The following MIA2 variants were observed in gnomAD, a reference collection of about 807,000 sequenced individuals.
MIA2 encodes melanoma inhibitory activity protein 2.
In MIA2, 127 loss-of-function variants were observed where a neutral mutation model predicts 167.8. The observed-to-expected ratio is 0.76, with a 90% confidence interval of 0.66 to 0.88. MIA2 has a LOEUF of 0.88. Among genes scored for constraint, MIA2 ranks in the 40% least tolerant of loss-of-function variants. The pLI is 0.00. For synonymous variants in MIA2, 552 were observed against 541.9 expected (o/e 1.02, Z -0.26); for missense variants, 1,690 against 1,624.7 (o/e 1.04, Z -0.69).
chr14:39,339,000 T>C (rs1457108068), intron 25 of MIA2, among the ~76,000 whole-genome samples: 4 of 152,240 alleles, frequency 2.6e-5, no homozygotes, highest in African/African-American at 9.6e-5. Flanking sequence ...ACTGGTTTCA[T>C]GGAGCCCAGT....
chr14:39,313,355 G>C lies in MIA2; in HGVS notation c.3033G>C (p.Glu1011Asp). The change falls in exon 19 of 29, where the codon GAG becomes GAC. Residue 1011 changes from glutamate (E) to aspartate (D), a missense_variant. Glu to Asp is a conservative substitution (Grantham distance 45). Transcript: ENST00000640607. ...TGTTTTTAAGGAAATTAACAGTAGA[G>C]GAAAATTATCGGTTAGAGAAAGAAG... Reference protein sequence around the residue: ...EMKLHRKLTVEENYRLEKEEK... With the variant: ...EMKLHRKLTVDENYRLEKEEK... The C allele has an allele frequency of 1.3e-6, 2 of 1,587,124 alleles. No individual in the cohort carries two copies. Among genetic ancestry groups the C allele is most frequent in the Non-Finnish European group, 1.7e-6 (2 of 1,164,210 alleles).
intron 23 of MIA2, among the ~76,000 whole-genome samples, chr14:39,357,191 C>T (rs1183421158): frequency 6.6e-6 from 1 of 152,098 alleles, no homozygotes. Context: ...GAGTCTTAGT[C>T]CCTTTGTAGG....
chr14:39,352,975 G>T (rs1232781324), downstream of MIA2, among the ~76,000 whole-genome samples: 2 of 152,036 alleles, frequency 1.3e-5, no homozygotes, highest in African/African-American at 2.4e-5. Context: ...TATTCCTCCT[G>T]CATGACTGAA....
chr14:39,265,401 T>C (rs2055431891), intron 6 of MIA2: 2 of 1,610,948 alleles, frequency 1.2e-6, no homozygotes, highest in Non-Finnish European at 1.7e-6. Context: ...AGAAATGGAA[T>C]TGAAAAGTCC....
chr14:39,325,920 G>A (rs1182975555), intron 24 of MIA2, among the ~76,000 whole-genome samples: 1 of 151,574 alleles, frequency 6.6e-6, no homozygotes, highest in East Asian at 1.9e-4. Context: ...CACCATGTTG[G>A]CCAGGCTTGT....
At chr14:39,235,764 C>A (rs149317657) in intron 1 of MIA2, among the ~76,000 whole-genome samples, 53 of 152,024 alleles carry the variant, frequency 3.5e-4, no homozygotes, top group Non-Finnish European at 6.9e-4. Context: ...GGCAACAGAA[C>A]AAGACCCTGC....
At chr14:39,275,089 ATTT>A (rs35976478) in intron 6 of MIA2, among the ~76,000 whole-genome samples, 1 of 45,612 alleles carries the variant, frequency 2.2e-5, no homozygotes, top group African/African-American at 6.5e-5. Flanking sequence ...AAAAAAAAAA[ATTT>A]TTTTTTTTTT....
intron 3 of MIA2, among the ~76,000 whole-genome samples, chr14:39,243,220 T>C (rs2054135993): frequency 6.6e-6 from 1 of 152,110 alleles, no homozygotes; most frequent in South Asian, 2.1e-4. Flanking sequence ...CTCAGTTGAT[T>C]TCCTAAGGAG....
intron 6 of MIA2, chr14:39,266,351 C>A: frequency 3.0e-6 from 3 of 985,342 alleles, no homozygotes; most frequent in Non-Finnish European, 3.6e-6. Context: ...TTCGACGGTC[C>A]TAAAAATAGA....
Position 39,388,370 on chromosome 14 carries a change from C to G in MIA2, c.*1418C>G, listed in dbSNP as rs1376703760. 2 of 148,920 alleles carry G rather than the reference C, an allele frequency of 1.3e-5. No homozygotes were observed. Among genetic ancestry groups the G allele is most frequent in the Non-Finnish European group, 3.0e-5 (2 of 66,814 alleles). 9.2% of individuals were successfully genotyped at this position (148,920 alleles called of 1,614,324 possible). A position where few individuals can be genotyped will look rare whatever the true frequency, so the allele number is the denominator to read the frequency against. The stretch of plus-strand genomic sequence containing the variant: ...TTTAAACCTGTTTTTTCATGTCTTT[C>G]CATATCCCTTTAAGTCTAAATTTTA... On this transcript the variant is annotated 3_prime_UTR_variant, in exon 24 of 24. Transcript: ENST00000341502. The surrounding 1 kb of genome is among the most constrained non-coding windows in gnomAD (Gnocchi z 4.1).
At chr14:39,288,171 A>T (rs2060071004) in intron 9 of MIA2, among the ~76,000 whole-genome samples, 1 of 151,836 alleles carries the variant, frequency 6.6e-6, no homozygotes, top group Admixed American at 6.6e-5. Flanking sequence ...TTATCAAGAG[A>T]TGATGTTGGG....
At chr14:39,360,811 A>G (rs1395961076) in intron 23 of MIA2, among the ~76,000 whole-genome samples, 1 of 152,112 alleles carries the variant, frequency 6.6e-6, no homozygotes, top group African/African-American at 2.4e-5. Flanking sequence ...TAGGTGTTTA[A>G]TCCATCTTGA....
chr14:39,321,246 C>G (rs8019758), intron 24 of MIA2, among the ~76,000 whole-genome samples, 190 bp downstream of exon 24: 28,122 of 151,998 alleles, frequency 0.19, 2,663 homozygotes, highest in Middle Eastern at 0.28. Flanking sequence ...TCTTAGAAAC[C>G]GTGCTATATT....
intron 23 of MIA2, chr14:39,386,296 C>T (rs1467667621): frequency 6.8e-7 from 1 of 1,480,080 alleles, no homozygotes; most frequent in Non-Finnish European, 9.4e-7. Context: ...AATTTCTGGC[C>T]TCCAAAGTGA....
At position 39,313,351 on chromosome 14, in the gene MIA2, T is replaced by C; in HGVS notation, c.3029T>C (p.Val1010Ala). ...NEMKLHRKLT[V>A]EENYRLEKEE... ...TTTTTGTTTTTAAGGAAATTAACAG[T>C]AGAGGAAAATTATCGGTTAGAGAAA... The change falls in exon 19 of 29, where the codon GTA becomes GCA. Residue 1010 changes from valine to alanine, a missense_variant. Transcript: ENST00000640607. 2 of 1,577,890 alleles carry C rather than the reference T, an allele frequency of 1.3e-6. No homozygotes were observed. Among genetic ancestry groups the C allele is most frequent in the East Asian group, 2.3e-5 (1 of 44,316 alleles).
At position 39,244,929 on chromosome 14, in the gene MIA2, A is replaced by G. The variant is rs567222072; in HGVS notation, c.337-1982A>G. ...AGTAGCTGGGACTACAGCGCATGCC[A>G]CTATGCCTGGCTAATTTTTGTATTT... On this transcript the variant is annotated intron_variant, in intron 3 of 28. Coordinates refer to ENST00000640607, the MANE Select transcript of MIA2 (RefSeq NM_001329214.4). Among the ~76,000 whole-genome samples, 7 of 152,002 alleles carry G rather than the reference A, an allele frequency of 4.6e-5. No homozygotes were observed. The East Asian group carries it at 1.4e-3, about 29-fold the overall frequency.
At chr14:39,302,294 C>T (rs1354735308) in intron 15 of MIA2, 45 bp downstream of exon 15, 2 of 1,600,772 alleles carry the variant, frequency 1.2e-6, no homozygotes, top group African/African-American at 2.7e-5. Flanking sequence ...TGGTGACTAG[C>T]TCTTCTATTT....
intron 24 of MIA2, among the ~76,000 whole-genome samples, chr14:39,323,289 C>T (rs945282135): frequency 2.0e-5 from 3 of 152,032 alleles, no homozygotes; most frequent in African/African-American, 7.2e-5. Flanking sequence ...AGAGCCTCTG[C>T]TTGTGTTGAT....
At chr14:39,281,619 G>GTTT (rs549847071) in intron 9 of MIA2, among the ~76,000 whole-genome samples, 2 of 133,308 alleles carry the variant, frequency 1.5e-5, no homozygotes. Context: ...TTTTGTTTTG[G>GTTT]TTTTTTTTTT....
Sources: gnomAD v4.1 joint callset for allele counts (sites outside exome capture counted in the v4.1 genomes callset) on GRCh38, gnomAD v4.1.1 for gene constraint, Gnocchi (gnomAD v3.1) non-coding constraint, MANE v1.5 for transcripts, NCBI Gene and HGNC (gene_info 2026-07-23, HGNC 2026-07-21) for gene names.